EXOC3: variants seen among roughly 807,000 people sequenced by gnomAD.
The protein encoded by EXOC3 is exocyst complex component 3.
Under a neutral mutation model 73.7 loss-of-function variants are expected in EXOC3, and 21 were observed. That is an observed-to-expected ratio of 0.29 (90% CI 0.20 to 0.41). EXOC3 has a LOEUF of 0.41. EXOC3 is among the 10% of genes least tolerant of loss of function. EXOC3 has a pLI of 1.00. For missense variants in EXOC3, 842 were observed against 985.1 expected, an observed-to-expected ratio of 0.85 and a Z score of 1.95; for synonymous variants, 410 against 389.1, an observed-to-expected ratio of 1.05 and a Z score of -0.63.
At position 467,151 on chromosome 5, in the gene EXOC3, T is replaced by C; in HGVS notation, c.*253T>C. The C allele has an allele frequency of 2.0e-6, 1 of 508,226 alleles. No homozygotes were observed. The highest frequency in any genetic ancestry group is 5.2e-4 in the Middle Eastern group (1 of 1,930). The allele number at this position is 508,226 out of a possible 1,614,324, so 31.5% of individuals were successfully genotyped here. Reference sequence around the variant, plus strand: ...CAGCCTCTCTTGGGTGCTTGTTTGTTGCAGTGGTTGAAAGTGTGTGGGGCA... The same window carrying C: ...CAGCCTCTCTTGGGTGCTTGTTTGTCGCAGTGGTTGAAAGTGTGTGGGGCA... On this transcript the variant is annotated 3_prime_UTR_variant, in exon 13 of 13. Coordinates refer to ENST00000512944, the MANE Select transcript of EXOC3 (RefSeq NM_007277.5).
intron 3 of EXOC3, among the ~76,000 whole-genome samples, chr5:450,922 A>G (rs1414271379): frequency 6.6e-6 from 1 of 152,036 alleles, no homozygotes; most frequent in Non-Finnish European, 1.5e-5. Flanking sequence ...CTTGGGCTCT[A>G]AGGTCAGTCT....
chr5:462,534 G>A (rs1340034646), intron 9 of EXOC3: 4 of 548,654 alleles, frequency 7.3e-6, no homozygotes, highest in African/African-American at 1.9e-5. Context: ...CACCCTGTAA[G>A]TATTAAAGAC....
At chr5:460,542 C>T (rs1737954395) in intron 7 of EXOC3, among the ~76,000 whole-genome samples, 1 of 151,970 alleles carries the variant, frequency 6.6e-6, no homozygotes, top group East Asian at 1.9e-4. Flanking sequence ...GCCGCCCATC[C>T]ACAGGGGTCA....
rs2126581271 is a variant in EXOC3 at position 456,882 on chromosome 5, C to A, written c.1047-7C>A. On this transcript the variant is annotated splice_polypyrimidine_tract_variant and splice_region_variant and intron_variant, in intron 4 of 12. Coordinates refer to ENST00000512944, the MANE Select transcript of EXOC3 (RefSeq NM_007277.5). ...GTTTGTCACTCACATTCCTGGTTCCCCCATAGTACTGAGATGATGAGGAAC... is the reference window on the plus strand; with the variant it reads ...GTTTGTCACTCACATTCCTGGTTCCACCATAGTACTGAGATGATGAGGAAC... 1.2e-6 allele frequency: 2 copies of A among 1,608,432 alleles called. No individual in the cohort carries two copies. Among genetic ancestry groups the A allele is most frequent in the Non-Finnish European group, 1.7e-6 (2 of 1,174,900 alleles).
At chr5:445,474 C>T (rs929282496) in intron 1 of EXOC3, among the ~76,000 whole-genome samples, 1 of 152,020 alleles carries the variant, frequency 6.6e-6, no homozygotes, top group Non-Finnish European at 1.5e-5. Context: ...CTCAGCCTCC[C>T]GAGTAGCTGG....
In EXOC3 at chr5:457,922, G is replaced by A. The variant is rs772722625; in HGVS notation, c.1187G>A (p.Arg396Gln). 26 of 1,608,996 alleles carry A rather than the reference G, an allele frequency of 1.6e-5. No individual in the cohort carries two copies. Among genetic ancestry groups the A allele is most frequent in the Middle Eastern group, 1.6e-4 (1 of 6,084 alleles). ...TLTSNIIAWL[R>Q]KALETDKKDW... ...TAGTCAAACATCATCGCCTGGCTGC[G>A]GAAAGCGCTGGAGACAGACAAGAAA... The change falls in exon 6 of 13, where the codon CGG becomes CAG. Residue 396 changes from arginine (R) to glutamine (Q), a missense_variant. Coordinates refer to ENST00000512944, the MANE Select transcript of EXOC3 (RefSeq NM_007277.5).
At chr5:458,413 A>AT (rs1195179241) in intron 6 of EXOC3, among the ~76,000 whole-genome samples, 2 of 152,062 alleles carry the variant, frequency 1.3e-5, no homozygotes, top group Admixed American at 6.5e-5. Context: ...AGCGTCCATT[A>AT]TTTTTTTTGA....
At chr5:447,109 C>G (rs1737531019) in intron 2 of EXOC3, 1 of 158,246 alleles carries the variant, frequency 6.3e-6, no homozygotes, top group African/African-American at 2.4e-5. Context: ...AGGAACTCCC[C>G]CACCCCAAGC....
chr5:446,091 C>G, intron 1 of EXOC3, 59 bp from the exon 2 acceptor site: 4 of 1,187,610 alleles, frequency 3.4e-6, no homozygotes, highest in Non-Finnish European at 5.0e-6. Flanking sequence ...CTGTGATCAC[C>G]TGATAGTTTG....
chr5:450,790 G>GT (rs34225129), intron 3 of EXOC3, among the ~76,000 whole-genome samples: 10,694 of 140,956 alleles, frequency 0.076, 468 homozygotes, highest in Admixed American at 0.13. Context: ...TTTGTGACTA[G>GT]TTTTTTTTTT....
chr5:467,041 T>C lies in EXOC3; in HGVS notation c.*143T>C. ...TTAGGTGCCAGTGTGATGCACCGGG[T>C]GTGCGTCGAGTGAGCGTCCCGAGGC... On this transcript the variant is annotated 3_prime_UTR_variant, in exon 13 of 13. Coordinates refer to ENST00000512944, the MANE Select transcript of EXOC3 (RefSeq NM_007277.5). 1 of 863,738 alleles carries C rather than the reference T, an allele frequency of 1.2e-6. No homozygotes were observed. Among genetic ancestry groups the C allele is most frequent in the Non-Finnish European group, 1.8e-6 (1 of 568,986 alleles). The allele number at this position is 863,738 out of a possible 1,614,324, so 53.5% of individuals were successfully genotyped here. A position where few individuals can be genotyped will look rare whatever the true frequency, so the allele number is the denominator to read the frequency against.
Position 447,757 on chromosome 5 carries a change from C to T in EXOC3, c.364+5C>T. The T allele has an allele frequency of 6.5e-7, 1 of 1,534,252 alleles. No homozygotes were observed. Among genetic ancestry groups the T allele is most frequent in the African/African-American group, 1.4e-5 (1 of 73,066 alleles). ...ACCTCAAGAACATCTTCTCAGGTAC[C>T]AGCCAGACGCCGAGGCACTTGCCCC... On this transcript the variant is annotated splice_donor_5th_base_variant and intron_variant, in intron 3 of 12. Transcript: ENST00000512944.
chr5:461,862 T>C (rs1469682896), intron 7 of EXOC3, 98 bp from the exon 8 acceptor site: 13 of 746,616 alleles, frequency 1.7e-5, no homozygotes, highest in Non-Finnish European at 2.8e-5. Flanking sequence ...CAGATGTTAG[T>C]GATGTGAAAT....
At chr5:462,369 C>A in intron 9 of EXOC3, 62 bp downstream of exon 9, 1 of 1,568,058 alleles carries the variant, frequency 6.4e-7, no homozygotes, top group Non-Finnish European at 8.8e-7. Context: ...CCTCACTGCC[C>A]TCTGGGACAC....
chr5:466,936 C>CTAAA lies in EXOC3; in HGVS notation c.*38_*39insTAAA. On this transcript the variant is annotated 3_prime_UTR_variant, in exon 13 of 13. Coordinates refer to ENST00000512944, the MANE Select transcript of EXOC3 (RefSeq NM_007277.5). Reference sequence around the variant, plus strand: ...TGCCCTGCTCGCCCCTCCACAGCCTCGGTCCCTGCCTTTAGAAACGCGGGA... The same window carrying CTAAA: ...TGCCCTGCTCGCCCCTCCACAGCCTCTAAAGGTCCCTGCCTTTAGAAACGCGGGA... 1 of 1,545,964 alleles carries CTAAA rather than the reference C, an allele frequency of 6.5e-7. No homozygotes were observed. Among genetic ancestry groups the CTAAA allele is most frequent in the Non-Finnish European group, 8.8e-7 (1 of 1,142,492 alleles).
chr5:454,175 C>A, intron 4 of EXOC3, 124 bp downstream of exon 4: 1 of 753,444 alleles, frequency 1.3e-6, no homozygotes, highest in South Asian at 1.9e-5. Context: ...GAGCCCACAG[C>A]CTTGGTTTCC....
At chr5:445,518 T>A (rs1295672529) in intron 1 of EXOC3, among the ~76,000 whole-genome samples, 1 of 152,000 alleles carries the variant, frequency 6.6e-6, no homozygotes, top group Non-Finnish European at 1.5e-5. Flanking sequence ...CCCAGCTAAT[T>A]TTTTTGTGTG....
chr5:465,568 C>T, intron 11 of EXOC3, 150 bp from the exon 12 acceptor site: 1 of 1,030,888 alleles, frequency 9.7e-7, no homozygotes, highest in Non-Finnish European at 1.4e-6. Context: ...CCCCAGACCC[C>T]TGGCCCTGTC....
chr5:457,155 C>T, intron 5 of EXOC3, 149 bp downstream of exon 5: 2 of 628,190 alleles, frequency 3.2e-6, no homozygotes, highest in Admixed American at 2.4e-5. Flanking sequence ...GCTTCCAGGC[C>T]TTGACAGGTC....
Sources: gnomAD v4.1 joint callset for allele counts (sites outside exome capture counted in the v4.1 genomes callset) on GRCh38, gnomAD v4.1.1 for gene constraint, MANE v1.5 for transcripts, NCBI Gene and HGNC (gene_info 2026-07-23, HGNC 2026-07-21) for gene names.